The following MTHFD1L variants were observed in gnomAD, a reference collection of about 807,000 sequenced individuals.
The protein encoded by MTHFD1L is monofunctional C1-tetrahydrofolate synthase, mitochondrial.
A neutral mutation model predicts 119.5 loss-of-function variants in MTHFD1L; 81 were observed. The observed-to-expected ratio is 0.68, with a 90% CI of 0.57 to 0.82. The LOEUF is 0.82. MTHFD1L is among the 40% of genes least tolerant of loss of function. MTHFD1L has a pLI of 0.00. For missense variants in MTHFD1L, 1,125 were observed against 1,253.4 expected (o/e 0.90, Z 1.55); for synonymous variants, 430 against 475.2 (o/e 0.90, Z 1.24).
intron 7 of MTHFD1L, among the ~76,000 whole-genome samples, chr6:150,894,768 C>T (rs1022982981): frequency 1.3e-5 from 2 of 152,158 alleles, no homozygotes; most frequent in South Asian, 4.1e-4. Flanking sequence ...ATTCTGTGGA[C>T]GCTGATTAGG....
At chr6:150,991,311 T>C (rs1015094567) in intron 20 of MTHFD1L, among the ~76,000 whole-genome samples, 5 of 151,336 alleles carry the variant, frequency 3.3e-5, no homozygotes, top group African/African-American at 4.9e-5. Context: ...GTAAAAAGAA[T>C]AGATAAATGT....
intron 7 of MTHFD1L, among the ~76,000 whole-genome samples, chr6:150,897,561 A>G (rs932847350): frequency 3.3e-5 from 5 of 152,184 alleles, no homozygotes; most frequent in African/African-American, 1.2e-4. Context: ...TTCAGCCTCC[A>G]TGACGCTTGT....
intron 26 of MTHFD1L, among the ~76,000 whole-genome samples, chr6:151,044,922 C>A (rs1050452510): frequency 1.3e-5 from 2 of 152,224 alleles, no homozygotes; most frequent in African/African-American, 4.8e-5. Flanking sequence ...CGTGGACTCA[C>A]TGCCATTCTG....
chr6:150,936,167 A>G (rs771332170), intron 11 of MTHFD1L, among the ~76,000 whole-genome samples: 6 of 152,194 alleles, frequency 3.9e-5, no homozygotes, highest in Non-Finnish European at 5.9e-5. Flanking sequence ...AGGACACAAC[A>G]TGAATGCAGA....
intron 24 of MTHFD1L, among the ~76,000 whole-genome samples, chr6:151,023,031 G>C (rs1351982523): frequency 6.7e-6 from 1 of 148,924 alleles, no homozygotes; most frequent in African/African-American, 2.5e-5. Flanking sequence ...TTTGTTGGTT[G>C]GTTGGTTGGT....
intron 1 of MTHFD1L, among the ~76,000 whole-genome samples, chr6:150,874,453 AC>A (rs1281979538): frequency 1.3e-5 from 2 of 152,140 alleles, no homozygotes; most frequent in East Asian, 3.8e-4. Context: ...CTCTCTGAAA[AC>A]TGGGGAAAGC....
At chr6:151,084,516 C>A (rs1394134720) in intron 26 of MTHFD1L, among the ~76,000 whole-genome samples, 1 of 152,250 alleles carries the variant, frequency 6.6e-6, no homozygotes, top group East Asian at 1.9e-4. Flanking sequence ...TGGCCCCAAG[C>A]GATCCTCCCA....
chr6:150,960,125 C>G, intron 17 of MTHFD1L, 150 bp from the exon 18 acceptor site: 1 of 1,081,166 alleles, frequency 9.2e-7, no homozygotes, highest in Non-Finnish European at 1.3e-6. Context: ...GGTCCAGACA[C>G]GCAGAAAACT....
rs1790010718 is a variant in MTHFD1L, at chr6:150,926,491, A to T, written c.1256+196A>T. The stretch of plus-strand genomic sequence containing the variant: ...AGAGCAAACTAGTCGACTCTACACA[A>T]GATAAAGTCAAACAAGTTGCAGTGC... On this transcript the variant is annotated intron_variant, in intron 11 of 27. Coordinates refer to ENST00000367321, the MANE Select transcript of MTHFD1L (RefSeq NM_015440.5). The surrounding 1 kb of genome is among the most constrained non-coding windows in gnomAD (Gnocchi z 4.3). Among the ~76,000 whole-genome samples, 1 of 152,234 alleles carries T rather than the reference A, an allele frequency of 6.6e-6. No homozygotes were observed. The highest frequency in any genetic ancestry group is 1.5e-5 in the Non-Finnish European group (1 of 68,044).
rs2128668076 is a variant in MTHFD1L at position 151,099,557 on chromosome 6, A to G, written c.*32-1969A>G. On this transcript the variant is annotated intron_variant, in intron 27 of 27. Transcript: ENST00000367321. ...GCCCTCAGACCCCTTGTGAAGCCCA[A>G]GATCGTCAAAAAGAGAACCAAGAAG... The G allele has an allele frequency of 3.1e-6, 5 of 1,605,616 alleles. No homozygotes were observed. In the Admixed American group the frequency reaches 5.0e-5, roughly 16 times the overall value.
Position 151,053,589 on chromosome 6 carries a change from G to A in MTHFD1L, c.2847+16472G>A, listed in dbSNP as rs191350638. ...TAGTTTAAAACGCTGGCCAGGCGCA[G>A]TGGCTCATGCCTATAATCTCAGCAC... On this transcript the variant is annotated intron_variant, in intron 26 of 27. Transcript: ENST00000367321. Among the ~76,000 whole-genome samples the A allele has an allele frequency of 4.9e-3, 740 of 152,284 alleles. 6 individuals are homozygous for A. The highest frequency in any genetic ancestry group is 0.016 in the African/African-American group (669 of 41,544).
chr6:151,070,133 C>G (rs1232282612), intron 26 of MTHFD1L, among the ~76,000 whole-genome samples: 4 of 152,084 alleles, frequency 2.6e-5, no homozygotes, highest in African/African-American at 7.2e-5. Context: ...GAATTAGATT[C>G]CACATATAGC....
In MTHFD1L at chr6:151,090,984, G is replaced by T. The variant is rs531926595; in HGVS notation, c.2848-1483G>T. On this transcript the variant is annotated intron_variant, in intron 26 of 27. Coordinates refer to ENST00000367321, the MANE Select transcript of MTHFD1L (RefSeq NM_015440.5). ...GTGCAGCATCGCCCCATGCGACTGG[G>T]TGCAGCATCGTTCCATGCGACTGGG... Among the ~76,000 whole-genome samples, 122 of 136,878 alleles carry T rather than the reference G, an allele frequency of 8.9e-4. 1 individual carries two copies. Among genetic ancestry groups the T allele is most frequent in the Middle Eastern group, 8.1e-3 (2 of 246 alleles). 89.8% of individuals were successfully genotyped at this position (136,878 alleles called of 152,430 possible). A position where few individuals can be genotyped will look rare whatever the true frequency, so the allele number is the denominator to read the frequency against.
chr6:150,892,564 A>G (rs1365289437), intron 7 of MTHFD1L, among the ~76,000 whole-genome samples: 4 of 152,078 alleles, frequency 2.6e-5, no homozygotes, highest in South Asian at 2.1e-4. Flanking sequence ...CATTCTTATT[A>G]TTGCTTCATC....
chr6:151,068,787 C>T (rs1203092452), intron 26 of MTHFD1L, among the ~76,000 whole-genome samples: 1 of 152,164 alleles, frequency 6.6e-6, no homozygotes, highest in African/African-American at 2.4e-5. Context: ...TCAGTAGGCA[C>T]GAACTTTACC....
chr6:151,005,377 A>G (rs1384580292), intron 20 of MTHFD1L, among the ~76,000 whole-genome samples: 3 of 152,128 alleles, frequency 2.0e-5, no homozygotes, highest in Admixed American at 2.0e-4. Context: ...ATTTGAATAC[A>G]AACGACATAA....
intron 26 of MTHFD1L, chr6:151,041,730 G>A (rs764440858): frequency 4.4e-5 from 22 of 502,854 alleles, no homozygotes; most frequent in Non-Finnish European, 8.1e-5. Flanking sequence ...AGAATGCGGC[G>A]GGCTTTATAA....
chr6:151,055,312 G>C (rs760573622), intron 26 of MTHFD1L, among the ~76,000 whole-genome samples: 1 of 152,010 alleles, frequency 6.6e-6, no homozygotes, highest in Non-Finnish European at 1.5e-5. Context: ...CACTTACTAG[G>C]TGCCAGCTAG....
chr6:150,874,437 C>G (rs1250211533), intron 1 of MTHFD1L, among the ~76,000 whole-genome samples: 1 of 152,218 alleles, frequency 6.6e-6, no homozygotes, highest in African/African-American at 2.4e-5. Context: ...CATTTGTCAG[C>G]TGTGTCTCTC....
Sources: gnomAD v4.1 joint callset for allele counts (sites outside exome capture counted in the v4.1 genomes callset) on GRCh38, gnomAD v4.1.1 for gene constraint, Gnocchi (gnomAD v3.1) non-coding constraint, MANE v1.5 for transcripts, NCBI Gene and HGNC (gene_info 2026-07-23, HGNC 2026-07-21) for gene names.